PMFBP1: variants seen among roughly 807,000 people sequenced by gnomAD.
The protein encoded by PMFBP1 is polyamine modulated factor 1 binding protein 1.
In PMFBP1, 131 loss-of-function variants were observed where a neutral mutation model predicts 137.8. That is an observed-to-expected ratio of 0.95 (90% CI 0.82 to 1.10). PMFBP1 has a LOEUF of 1.10. PMFBP1 is among the 50% of genes least tolerant of loss of function. PMFBP1 has a pLI of 0.00. For synonymous variants in PMFBP1, 490 were observed against 450.4 expected, an observed-to-expected ratio of 1.09 and a Z score of -1.11; for missense variants, 1,199 against 1,175.4, an observed-to-expected ratio of 1.02 and a Z score of -0.29.
chr16:72,219,553 G>T, the PMFBP1 span, among the ~76,000 whole-genome samples: 1 of 85,436 alleles, frequency 1.2e-5, no homozygotes, highest in Non-Finnish European at 2.5e-5. Flanking sequence ...CAATGTGGGC[G>T]GGGGGGCCTG....
chr16:72,130,936 C>T (rs183800551), intron 10 of PMFBP1, among the ~76,000 whole-genome samples: 41 of 152,266 alleles, frequency 2.7e-4, no homozygotes, highest in African/African-American at 5.8e-4. Flanking sequence ...TAAAATTAAA[C>T]AAACTGGTAG....
chr16:72,231,348 T>C, the PMFBP1 span, among the ~76,000 whole-genome samples: 2 of 152,204 alleles, frequency 1.3e-5, no homozygotes, highest in South Asian at 2.1e-4. Context: ...TTCAGTTTCA[T>C]GACCACAACG....
chr16:72,170,577 G>A lies in PMFBP1; in HGVS notation c.12+620C>T, dbSNP rs116278644. Among the ~76,000 whole-genome samples the A allele has an allele frequency of 1.5e-3, 222 of 152,170 alleles. 2 individuals are homozygous for A. The highest frequency in any genetic ancestry group is 5.0e-3 in the African/African-American group (209 of 41,544). On this transcript the variant is annotated intron_variant, in intron 2 of 20. Transcript: ENST00000237353. ...CCTGAGTGGCTGGGACCAAAAGAGC[G>A]TGCCACCACACCTGGCTAATTTTTT...
intron 2 of PMFBP1, 94 bp downstream of exon 2, chr16:72,171,103 T>A: frequency 7.1e-7 from 1 of 1,400,680 alleles, no homozygotes; most frequent in Non-Finnish European, 1.0e-6. Flanking sequence ...TATTTTGTGA[T>A]GCTTATTACT....
chr16:72,236,272 G>A, the PMFBP1 span, among the ~76,000 whole-genome samples: 6 of 152,072 alleles, frequency 3.9e-5, no homozygotes, highest in Non-Finnish European at 7.4e-5. Context: ...CATTGTTTAA[G>A]TCTGGTTTTT....
Position 72,126,016 on chromosome 16 carries a change from G to C in PMFBP1, c.2205C>G (p.Ser735=), listed in dbSNP as rs2042450923. ...CATCCTGGCAGGCGGCTGACTTCCG[G>C]GATAATGCATCATAGGCTTCTTTGG... ...TITKEAYDAL[S]RKSAACQDDL... is the part of the protein sequence containing the mutation. The change falls in exon 15 of 21, where the codon TCC becomes TCG. Residue 735 remains serine (S), a synonymous_variant. Transcript: ENST00000237353. 1 of 1,614,152 alleles carries C rather than the reference G, an allele frequency of 6.2e-7. No homozygotes were observed. Among genetic ancestry groups the C allele is most frequent in the Non-Finnish European group, 8.5e-7 (1 of 1,180,034 alleles).
chr16:72,125,928 G>A, intron 15 of PMFBP1, 40 bp downstream of exon 15: 1 of 1,598,944 alleles, frequency 6.3e-7, no homozygotes, highest in Non-Finnish European at 8.5e-7. Context: ...ACGTTTCCTT[G>A]CCTGAAAACA....
At chr16:72,123,432 T>C in intron 18 of PMFBP1, 114 bp downstream of exon 18, 2 of 856,552 alleles carry the variant, frequency 2.3e-6, no homozygotes, top group Non-Finnish European at 3.7e-6. Flanking sequence ...GGGCTGAGAC[T>C]GGATCTGTTT....
Position 72,150,596 on chromosome 16 carries a change from C to G in PMFBP1, c.636+12G>C. On this transcript the variant is annotated intron_variant, in intron 5 of 20. Transcript: ENST00000237353. Reference sequence around the variant, plus strand: ...CACTTGCCTGGATTGAATGGCCTGACTTAAGTCCTACCTGACCCATGATCC... The same window carrying G: ...CACTTGCCTGGATTGAATGGCCTGAGTTAAGTCCTACCTGACCCATGATCC... 1 of 1,611,790 alleles carries G rather than the reference C, an allele frequency of 6.2e-7. No individual in the cohort carries two copies. Among genetic ancestry groups the G allele is most frequent in the Non-Finnish European group, 8.5e-7 (1 of 1,179,434 alleles).
At chr16:72,183,075 C>T in the PMFBP1 span, among the ~76,000 whole-genome samples, 1 of 152,156 alleles carries the variant, frequency 6.6e-6, no homozygotes, top group Non-Finnish European at 1.5e-5. Flanking sequence ...GCCCCTGAGG[C>T]TTGGAGGTGA....
chr16:72,222,063 A>G, the PMFBP1 span, among the ~76,000 whole-genome samples: 1 of 152,206 alleles, frequency 6.6e-6, no homozygotes, highest in South Asian at 2.1e-4. Flanking sequence ...GCTCAAAGTA[A>G]AGCAATATGC....
chr16:72,135,769 CAG>C, intron 9 of PMFBP1, among the ~76,000 whole-genome samples: 1 of 87,060 alleles, frequency 1.1e-5, no homozygotes, highest in South Asian at 3.9e-4. Flanking sequence ...TTTTTTGAGA[CAG>C]GGTCTCATTC....
At position 72,129,199 on chromosome 16, in the gene PMFBP1, T is replaced by G. The variant is rs1004308362; in HGVS notation, c.1817A>C (p.Glu606Ala). 7.4e-6 allele frequency: 12 copies of G among 1,613,558 alleles called. No individual in the cohort carries two copies. The Admixed American group carries it at 1.3e-4, about 18-fold the overall frequency. ...REQGSIKCKLEEDLQEATKLL... is the reference protein window; with the variant it reads ...REQGSIKCKLAEDLQEATKLL... ...CTTTGTGGCCTCCTGAAGATCTTCTTCTAACTTGCATTTGATGGAGCCTTG... is the reference window on the plus strand; with the variant it reads ...CTTTGTGGCCTCCTGAAGATCTTCTGCTAACTTGCATTTGATGGAGCCTTG... Residue 606 changes from glutamate to alanine, a missense_variant, in exon 13 of 21, where the codon GAA becomes GCA. Coordinates refer to ENST00000237353, the MANE Select transcript of PMFBP1 (RefSeq NM_031293.3).
intron 3 of PMFBP1, among the ~76,000 whole-genome samples, chr16:72,160,955 C>G (rs943257472): frequency 1.2e-4 from 19 of 152,190 alleles, no homozygotes; most frequent in African/African-American, 4.6e-4. Context: ...AAGGTAGCAG[C>G]AGCAACCATT....
At chr16:72,140,214 C>G (rs2042695497) in intron 6 of PMFBP1, among the ~76,000 whole-genome samples, 198 bp downstream of exon 6, 1 of 152,116 alleles carries the variant, frequency 6.6e-6, no homozygotes, top group African/African-American at 2.4e-5. Flanking sequence ...TTTTAAGATT[C>G]TTTAGAATCT....
the PMFBP1 span, among the ~76,000 whole-genome samples, chr16:72,246,049 G>C: frequency 3.3e-5 from 5 of 152,174 alleles, no homozygotes; most frequent in Non-Finnish European, 7.4e-5. Context: ...TACTCATTGG[G>C]TAAGAGTGGT....
rs1293416090 is a variant in PMFBP1, at chr16:72,128,785, T to C, written c.1960A>G (p.Asn654Asp). 1 of 1,614,174 alleles carries C rather than the reference T, an allele frequency of 6.2e-7. No homozygotes were observed. Among genetic ancestry groups the C allele is most frequent in the African/African-American group, 1.3e-5 (1 of 75,048 alleles). The change falls in exon 14 of 21, where the codon AAT becomes GAT. Residue 654 changes from asparagine to aspartate, a missense_variant. Coordinates refer to ENST00000237353, the MANE Select transcript of PMFBP1 (RefSeq NM_031293.3). ...TTTTCTTCCTCCAACTTTCTGGAATTCTCTTTCAACTGTTCCCTCATTAAA... is the reference window on the plus strand; with the variant it reads ...TTTTCTTCCTCCAACTTTCTGGAATCCTCTTTCAACTGTTCCCTCATTAAA... ...FKKKDKTLKE[N>D]SRKLEEENEN... is the part of the protein sequence containing the mutation.
At chr16:72,125,943 T>G (rs1459013544) in intron 15 of PMFBP1, 25 bp downstream of exon 15, 3 of 1,610,898 alleles carry the variant, frequency 1.9e-6, no homozygotes, top group Non-Finnish European at 1.7e-6. Flanking sequence ...AAAACAGCCC[T>G]GGAGACTAGA....
chr16:72,158,588 G>GA (rs1474936460), intron 3 of PMFBP1, among the ~76,000 whole-genome samples: 1 of 151,962 alleles, frequency 6.6e-6, no homozygotes, highest in Non-Finnish European at 1.5e-5. Context: ...GAGCTACCTG[G>GA]AAAAAAACAT....
Sources: allele counts gnomAD v4.1 joint callset (sites outside exome capture counted in the v4.1 genomes callset), GRCh38; gene constraint gnomAD v4.1.1; transcripts MANE v1.5; gene names NCBI Gene and HGNC (gene_info 2026-07-23, HGNC 2026-07-21).